HPSE2: variants seen among roughly 807,000 people sequenced by gnomAD.
HPSE2 encodes the protein inactive heparanase-2.
HPSE2 carries 38 observed loss-of-function variants against 60.5 expected under a neutral mutation model. That is an observed-to-expected ratio of 0.63 (90% confidence interval 0.48 to 0.82). The LOEUF (loss-of-function observed/expected upper bound fraction) is 0.82, where lower values mean the gene tolerates loss of function less well. Among genes scored for constraint, HPSE2 ranks in the 40% least tolerant of loss-of-function variants. The probability of loss-of-function intolerance (pLI) is 0.00; values close to 1 mark genes in which losing one functional copy is unlikely to be tolerated. For synonymous variants in HPSE2, 295 were observed against 293.2 expected (o/e 1.01, Z -0.06); for missense variants, 713 against 740.4 (o/e 0.96, Z 0.43).
intron 9 of HPSE2, among the ~76,000 whole-genome samples, chr10:98,495,107 A>G (rs1252968233): frequency 6.6e-6 from 1 of 152,042 alleles, no homozygotes; most frequent in Non-Finnish European, 1.5e-5. Context: ...TTTATTTGAG[A>G]ATGTCTTAAT....
intron 6 of HPSE2, among the ~76,000 whole-genome samples, chr10:98,677,428 C>T (rs925948824): frequency 2.6e-5 from 4 of 152,142 alleles, no homozygotes; most frequent in African/African-American, 9.7e-5. Context: ...TACAGTGAGA[C>T]ACTTTCATAA....
At chr10:98,691,910 G>T (rs1948086363) in intron 6 of HPSE2, among the ~76,000 whole-genome samples, 1 of 152,066 alleles carries the variant, frequency 6.6e-6, no homozygotes, top group Non-Finnish European at 1.5e-5. Flanking sequence ...TATTTTTATT[G>T]TCATTGTTAT....
chr10:98,757,452 G>T (rs553391747), intron 3 of HPSE2, among the ~76,000 whole-genome samples: 1 of 151,914 alleles, frequency 6.6e-6, no homozygotes, highest in East Asian at 1.9e-4. Context: ...CCACCAAAAG[G>T]CTCCTGGAAT....
chr10:98,582,650 C>G (rs1216820560), intron 9 of HPSE2, among the ~76,000 whole-genome samples: 1 of 152,184 alleles, frequency 6.6e-6, no homozygotes, highest in African/African-American at 2.4e-5. Flanking sequence ...TGAAGTTTTG[C>G]TCTCTGCAGT....
In HPSE2 at chr10:98,721,774, C is replaced by A. The variant is rs774034388; in HGVS notation, c.839G>T (p.Gly280Val). ...GCTCTTCAGCTGGATGTAATCCTTT[C>A]CCAACTGGCTGCCATTTACTGCCCG... ...HGRAVNGSQL[G>V]KDYIQLKSLL... The change falls in exon 5 of 12, where the codon GGA (glycine) becomes GTA (valine). Residue 280 changes from glycine (G) to valine (V), a missense_variant. By Grantham distance (109) the Gly-to-Val change is moderately radical. Transcript: ENST00000370552. The A allele has an allele frequency of 3.7e-6, 6 of 1,613,512 alleles. No individual in the cohort carries two copies. In the African/African-American group the frequency reaches 8.0e-5, roughly 22 times the overall value.
chr10:99,033,624 T>A (rs1242781596), intron 3 of HPSE2, among the ~76,000 whole-genome samples: 1 of 151,606 alleles, frequency 6.6e-6, no homozygotes. Context: ...CTACTAAAAA[T>A]ACAAAAAAAT....
chr10:98,544,473 G>T (rs1943585693), intron 9 of HPSE2, among the ~76,000 whole-genome samples: 2 of 152,048 alleles, frequency 1.3e-5, no homozygotes. Context: ...CACTTTGGGA[G>T]GCCGAGGCAG....
intron 9 of HPSE2, among the ~76,000 whole-genome samples, chr10:98,577,779 C>A (rs779267033): frequency 9.2e-5 from 14 of 152,122 alleles, no homozygotes; most frequent in Non-Finnish European, 1.6e-4. Context: ...CTCCCCTGAG[C>A]CCTGTTGCCT....
intron 3 of HPSE2, among the ~76,000 whole-genome samples, chr10:98,771,151 G>T (rs539106241): frequency 2.0e-5 from 3 of 152,236 alleles, no homozygotes; most frequent in African/African-American, 7.2e-5. Flanking sequence ...GACTTCTCTG[G>T]TCATTAATAA....
At chr10:98,703,348 G>A (rs1345297411) in intron 5 of HPSE2, among the ~76,000 whole-genome samples, 1 of 152,108 alleles carries the variant, frequency 6.6e-6, no homozygotes, top group Non-Finnish European at 1.5e-5. Flanking sequence ...AATTCTACCA[G>A]AGGTACAAAG....
chr10:99,095,234 G>A (rs1251885345), intron 3 of HPSE2, among the ~76,000 whole-genome samples: 1 of 151,876 alleles, frequency 6.6e-6, no homozygotes, highest in Non-Finnish European at 1.5e-5. Context: ...AAGTTGTTTT[G>A]GTACATAGAT....
At position 98,974,286 on chromosome 10, in the gene HPSE2, A is replaced by G. The variant is rs556279791; in HGVS notation, c.610+169952T>C. Among the ~76,000 whole-genome samples the G allele has an allele frequency of 3.6e-3, 542 of 149,348 alleles. 7 individuals carry two copies. Among genetic ancestry groups the G allele is most frequent in the Non-Finnish European group, 4.7e-3 (317 of 67,038 alleles). On this transcript the variant is annotated intron_variant, in intron 3 of 11. Coordinates refer to ENST00000370552, the MANE Select transcript of HPSE2 (RefSeq NM_021828.5). ...CCTGGGCGACACAGAGTGACTCTGG[A>G]AAAAAAAAAGAAAGAAAAGAAAGAA...
At chr10:98,877,205 A>C (rs1197038017) in intron 3 of HPSE2, among the ~76,000 whole-genome samples, 1 of 151,908 alleles carries the variant, frequency 6.6e-6, no homozygotes, top group Non-Finnish European at 1.5e-5. Context: ...GGAAAGCTTG[A>C]AACTTAAGTT....
intron 3 of HPSE2, among the ~76,000 whole-genome samples, chr10:98,961,245 G>A (rs1402275006): frequency 1.2e-4 from 1 of 8,412 alleles, no homozygotes. Context: ...ATAGTCATTT[G>A]GGTATATACC....
intron 4 of HPSE2, among the ~76,000 whole-genome samples, chr10:98,742,111 C>T (rs1949511652): frequency 5.9e-5 from 9 of 152,130 alleles, no homozygotes; most frequent in Admixed American, 5.9e-4. Flanking sequence ...ATGTATGATA[C>T]TCAGGCAAGT....
At chr10:99,246,601 G>A in the HPSE2 span, among the ~76,000 whole-genome samples, 1 of 152,136 alleles carries the variant, frequency 6.6e-6, no homozygotes, top group Non-Finnish European at 1.5e-5. Context: ...CAAAAAATTA[G>A]CCAGGTGTGG....
intron 3 of HPSE2, among the ~76,000 whole-genome samples, chr10:98,986,115 T>C (rs1402604327): frequency 6.6e-6 from 1 of 152,042 alleles, no homozygotes; most frequent in African/African-American, 2.4e-5. Context: ...TATCCAGGAA[T>C]TGAATTTAGC....
At chr10:99,189,414 G>A (rs914293155) in intron 2 of HPSE2, among the ~76,000 whole-genome samples, 7 of 152,194 alleles carry the variant, frequency 4.6e-5, no homozygotes, top group Non-Finnish European at 1.0e-4. Context: ...ACATGTCAGA[G>A]TAGACAATTA....
At chr10:99,266,336 G>A in the HPSE2 span, among the ~76,000 whole-genome samples, 1 of 150,640 alleles carries the variant, frequency 6.6e-6, no homozygotes, top group Non-Finnish European at 1.5e-5. Context: ...CCAACGTTTT[G>A]GGCTGTATGG....
Sources: gnomAD v4.1 joint callset for allele counts (sites outside exome capture counted in the v4.1 genomes callset) on GRCh38, gnomAD v4.1.1 for gene constraint, MANE v1.5 for transcripts, NCBI Gene and HGNC (gene_info 2026-07-23, HGNC 2026-07-21) for gene names.